The following ABCA9 variants were observed in gnomAD, a reference collection of about 807,000 sequenced individuals.
ABCA9 encodes ATP-binding cassette sub-family A member 9.
Under a neutral mutation model 205.3 loss-of-function variants are expected in ABCA9, and 183 were observed. That is an observed-to-expected ratio of 0.89 (90% confidence interval 0.79 to 1.01). ABCA9 has a LOEUF of 1.01. Ranked by LOEUF, ABCA9 falls within the 50% of genes least tolerant of loss-of-function variation. The pLI, the probability that ABCA9 is intolerant of heterozygous loss-of-function variation, is 0.00. For missense variants in ABCA9, 1,805 were observed against 1,912.4 expected (o/e 0.94, Z 1.05); for synonymous variants, 651 against 683.3 (o/e 0.95, Z 0.74).
At position 68,986,220 on chromosome 17, in the gene ABCA9, C is replaced by A; in HGVS notation, c.4152G>T (p.Glu1384Asp). ...WPNLTVRQHLEVYAAVKGLRK... is the reference protein window; with the variant it reads ...WPNLTVRQHLDVYAAVKGLRK... Reference sequence around the variant, plus strand: ...TGAGACCTTTCACGGCAGCGTACACCTCCAGGTGCTGCCTCACTGTCAGGT... The same window carrying A: ...TGAGACCTTTCACGGCAGCGTACACATCCAGGTGCTGCCTCACTGTCAGGT... The change falls in exon 32 of 39, where the codon GAG (glutamate) becomes GAT (aspartate). Residue 1384 changes from glutamate to aspartate, a missense_variant. Transcript: ENST00000340001. 6.2e-7 allele frequency: 1 copy of A among 1,613,910 alleles called. No homozygotes were observed. Among genetic ancestry groups the A allele is most frequent in the Non-Finnish European group, 8.5e-7 (1 of 1,179,894 alleles).
rs199550588 is a variant in ABCA9, at chr17:69,049,427, C to T, written c.160G>A (p.Val54Ile). 6 of 1,613,084 alleles carry T rather than the reference C, an allele frequency of 3.7e-6. No homozygotes were observed. In the African/African-American group the frequency reaches 8.0e-5, roughly 22 times the overall value. Residue 54 changes from valine (V) to isoleucine (I), a missense_variant, in exon 3 of 39, where the codon GTT becomes ATT. By Grantham distance (29) the Val-to-Ile change is conservative. Transcript: ENST00000340001. ...GAAGACATTTGAGGAGTGTCATGAA[C>T]TTGATGTAAATTGGAGAAAAATAGG... Reference protein sequence around the residue: ...LYLFFSNLHQVHDTPQMSSMD... With the variant: ...LYLFFSNLHQIHDTPQMSSMD...
chr17:68,990,739 A>T, intron 29 of ABCA9, 98 bp downstream of exon 29: 1 of 1,466,686 alleles, frequency 6.8e-7, no homozygotes. Flanking sequence ...GTAAGAATGA[A>T]AGAACCCCAA....
intron 24 of ABCA9, 53 bp from the exon 25 acceptor site, chr17:69,007,925 C>T (rs369507116): frequency 4.3e-6 from 6 of 1,401,952 alleles, no homozygotes; most frequent in South Asian, 3.7e-5. Flanking sequence ...TAGAAGAGTA[C>T]TCATATTTAC....
At chr17:68,999,089 G>A (rs540608853) in intron 25 of ABCA9, among the ~76,000 whole-genome samples, 2 of 151,550 alleles carry the variant, frequency 1.3e-5, no homozygotes, top group South Asian at 4.2e-4. Flanking sequence ...TTCTGAACAG[G>A]CTTTCTTTCT....
intron 25 of ABCA9, 24 bp from the exon 26 acceptor site, chr17:68,996,038 G>A (rs371796861): frequency 1.2e-5 from 20 of 1,605,154 alleles, no homozygotes; most frequent in East Asian, 8.9e-5. Flanking sequence ...ACAGTATAGC[G>A]TCATTAAAGT....
At chr17:69,077,249 G>T in the ABCA9 span, among the ~76,000 whole-genome samples, 1 of 151,716 alleles carries the variant, frequency 6.6e-6, no homozygotes, top group Non-Finnish European at 1.5e-5. Flanking sequence ...TTTAATTTCT[G>T]CCTTAATTTC....
At chr17:69,036,288 A>G (rs1426860696) in intron 6 of ABCA9, among the ~76,000 whole-genome samples, 1 of 152,200 alleles carries the variant, frequency 6.6e-6, no homozygotes, top group Non-Finnish European at 1.5e-5. Flanking sequence ...TATGTTAGTG[A>G]TGTGTGGCTG....
the ABCA9 span, among the ~76,000 whole-genome samples, chr17:69,075,579 C>G: frequency 6.6e-6 from 1 of 152,040 alleles, no homozygotes; most frequent in South Asian, 2.1e-4. Context: ...TCTGTGTTCT[C>G]TATTCTGTTC....
At position 68,990,922 on chromosome 17, in the gene ABCA9, G is replaced by A; in HGVS notation, c.3752C>T (p.Pro1251Leu). ...SPRSNAIFPN[P>L]EEPEGEEEDI... ...TTCCTCCTCTCCTTCAGGCTCTTCT[G>A]GGTTTGGAAAAATAGCGTTGCTTCT... The change falls in exon 29 of 39, where the codon CCA becomes CTA. Residue 1251 changes from proline (P) to leucine (L), a missense_variant. Physicochemically the swap from Pro to Leu is moderately conservative, Grantham distance 98. Coordinates refer to ENST00000340001, the MANE Select transcript of ABCA9 (RefSeq NM_080283.4). 1 of 1,613,286 alleles carries A rather than the reference G, an allele frequency of 6.2e-7. No individual in the cohort carries two copies. The highest frequency in any genetic ancestry group is 8.5e-7 in the Non-Finnish European group (1 of 1,179,738).
intron 3 of ABCA9, among the ~76,000 whole-genome samples, chr17:69,046,872 ATACTATATATATATAT>A (rs2071723616): frequency 2.2e-5 from 2 of 89,406 alleles, no homozygotes; most frequent in Non-Finnish European, 4.6e-5. Context: ...AGGCGATTTT[ATACTATATATATATAT>A]ATATATATAT....
chr17:69,000,092 T>C (rs2069793416), intron 25 of ABCA9, among the ~76,000 whole-genome samples: 1 of 151,216 alleles, frequency 6.6e-6, no homozygotes, highest in South Asian at 2.1e-4. Context: ...TTCACTCTGA[T>C]GGTAGTTTCT....
At chr17:68,979,012 T>A (rs2068963030) in intron 37 of ABCA9, among the ~76,000 whole-genome samples, 1 of 152,102 alleles carries the variant, frequency 6.6e-6, no homozygotes, top group South Asian at 2.1e-4. Context: ...TGTTTGCAGA[T>A]GACATGATTG....
Position 69,049,498 on chromosome 17 carries a change from G to T in ABCA9, c.97-8C>A. The stretch of plus-strand genomic sequence containing the variant: ...AAATGAAAAGAGCCATTCCTATATA[G>T]CAATAAGAGAAAAAGGAAACAAACT... On this transcript the variant is annotated splice_region_variant and splice_polypyrimidine_tract_variant and intron_variant, in intron 2 of 38. Transcript: ENST00000340001. The T allele has an allele frequency of 6.3e-7, 1 of 1,592,038 alleles. No individual in the cohort carries two copies. The highest frequency in any genetic ancestry group is 8.6e-7 in the Non-Finnish European group (1 of 1,167,452).
At chr17:69,069,353 G>C in the ABCA9 span, among the ~76,000 whole-genome samples, 1 of 152,094 alleles carries the variant, frequency 6.6e-6, no homozygotes, top group African/African-American at 2.4e-5. Context: ...CCTGCAGCCG[G>C]GGGAGACATT....
intron 6 of ABCA9, among the ~76,000 whole-genome samples, chr17:69,039,859 TA>T (rs2071476294): frequency 6.6e-6 from 1 of 151,256 alleles, no homozygotes; most frequent in South Asian, 2.1e-4. Flanking sequence ...AAATTTACAA[TA>T]AAAAAACTAA....
intron 25 of ABCA9, among the ~76,000 whole-genome samples, chr17:69,006,981 C>G (rs1417317831): frequency 6.6e-6 from 1 of 152,098 alleles, no homozygotes; most frequent in African/African-American, 2.4e-5. Context: ...ACACATCAGG[C>G]AGACTGGGAA....
At chr17:68,999,098 CT>C (rs1432369173) in intron 25 of ABCA9, among the ~76,000 whole-genome samples, 12 of 151,562 alleles carry the variant, frequency 7.9e-5, no homozygotes. Context: ...GGCTTTCTTT[CT>C]TGGCTGATAT....
chr17:68,992,171 C>A lies in ABCA9; in HGVS notation c.3716+4G>T. On this transcript the variant is annotated splice_donor_region_variant and intron_variant, in intron 28 of 38. Coordinates refer to ENST00000340001, the MANE Select transcript of ABCA9 (RefSeq NM_080283.4). The stretch of plus-strand genomic sequence containing the variant: ...AACATGAAATTCGATTTGATTTTCT[C>A]AACCTGAACACAGGATCCTTTCTCA... 6.4e-7 allele frequency: 1 copy of A among 1,555,346 alleles called. No homozygotes were observed. The highest frequency in any genetic ancestry group is 1.2e-5 in the South Asian group (1 of 81,726).
At chr17:69,072,880 T>C in the ABCA9 span, among the ~76,000 whole-genome samples, 3 of 152,136 alleles carry the variant, frequency 2.0e-5, no homozygotes, top group African/African-American at 7.2e-5. Context: ...ACACATAGGC[T>C]GCTCAAAATG....
Sources: allele counts gnomAD v4.1 joint callset (sites outside exome capture counted in the v4.1 genomes callset), GRCh38; gene constraint gnomAD v4.1.1; transcripts MANE v1.5; gene names NCBI Gene and HGNC (gene_info 2026-07-23, HGNC 2026-07-21).